The following MAN2C1 variants were observed in gnomAD, a reference collection of about 807,000 sequenced individuals.
MAN2C1 encodes mannosidase alpha class 2C member 1.
MAN2C1 carries 111 observed loss-of-function variants against 126.9 expected under a neutral mutation model. The ratio of observed to expected loss-of-function variants is 0.87; its 90% confidence interval spans 0.75 to 1.02. MAN2C1 has a LOEUF of 1.02. Ranked by LOEUF, MAN2C1 falls within the 50% of genes least tolerant of loss-of-function variation. The pLI is 0.00. For missense variants in MAN2C1, 1,363 were observed against 1,364.4 expected (o/e 1.00, Z 0.02); for synonymous variants, 567 against 561.5 (o/e 1.01, Z -0.14).
At chr15:75,367,902 C>A in intron 2 of MAN2C1, 171 bp downstream of exon 2, 2 of 1,010,270 alleles carry the variant, frequency 2.0e-6, no homozygotes, top group Middle Eastern at 2.1e-4. Flanking sequence ...CCCCTGAAGA[C>A]CCAGGGACCA....
chr15:75,356,190 C>T lies in MAN2C1; in HGVS notation c.2916G>A (p.Leu972=). The T allele has an allele frequency of 6.2e-7, 1 of 1,613,454 alleles. No individual in the cohort carries two copies. Among genetic ancestry groups the T allele is most frequent in the Non-Finnish European group, 8.5e-7 (1 of 1,179,946 alleles). ...QAESSPQRRS[L]VLRLYEAHGS... ...CGTGGGCCTCATACAGCCTCAGGAC[C>T]AGCGAGCGGCGCTGGGGGCTGCTCT... Residue 972 remains leucine (L), a synonymous_variant, in exon 25 of 26, where the codon CTG becomes CTA. Coordinates refer to ENST00000267978, the MANE Select transcript of MAN2C1 (RefSeq NM_006715.4). This position sits in a 1 kb window ranked among gnomAD's most constrained non-coding sequence, Gnocchi z 5.8.
chr15:75,364,857 G>A (rs1370710258), intron 4 of MAN2C1, among the ~76,000 whole-genome samples, 192 bp from the exon 5 acceptor site: 2 of 152,234 alleles, frequency 1.3e-5, no homozygotes, highest in African/African-American at 4.8e-5. Flanking sequence ...TGGATCCCAT[G>A]TCTTGCTGTC....
At position 75,360,611 on chromosome 15, in the gene MAN2C1, T is replaced by A; in HGVS notation, c.1538A>T (p.Glu513Val). The A allele has an allele frequency of 6.2e-7, 1 of 1,613,792 alleles. No homozygotes were observed. The highest frequency in any genetic ancestry group is 8.5e-7 in the Non-Finnish European group (1 of 1,179,972). ...GCCATTGTGCAGCTCCAAGAAGAGC[T>A]CCCCAACCCACGTGCACAGCTGCTC... ...DSEQLCTWVG[E>V]LFLELHNGTY... The change falls in exon 13 of 26, where the codon GAG (glutamate) becomes GTG (valine). Residue 513 changes from glutamate to valine, a missense_variant. Transcript: ENST00000267978.
rs772963654 is a variant in MAN2C1 at position 75,355,993 on chromosome 15, C to G, written c.3036G>C (p.Leu1012Phe). ...GCTTCAGGCGGTTGTCCCGAAGGGTCAAGTGGCCAGCAGGGTCTGGTCGCT... is the reference window on the plus strand; with the variant it reads ...GCTTCAGGCGGTTGTCCCGAAGGGTGAAGTGGCCAGCAGGGTCTGGTCGCT... Reference protein sequence around the residue: ...LLERPDPAGHLTLRDNRLKLT... With the variant: ...LLERPDPAGHFTLRDNRLKLT... Residue 1012 changes from leucine (L) to phenylalanine (F), a missense_variant, in exon 26 of 26, where the codon TTG (leucine) becomes TTC (phenylalanine). Physicochemically the swap from Leu to Phe is conservative, Grantham distance 22. Transcript: ENST00000267978. The G allele has an allele frequency of 3.7e-6, 6 of 1,613,940 alleles. No individual in the cohort carries two copies. The African/African-American group carries it at 8.0e-5, about 22-fold the overall frequency.
In MAN2C1 at chr15:75,359,362, A is replaced by C; in HGVS notation, c.2012T>G (p.Leu671Arg). Residue 671 changes from leucine to arginine, a missense_variant, in exon 17 of 26, where the codon CTG becomes CGG. Coordinates refer to ENST00000267978, the MANE Select transcript of MAN2C1 (RefSeq NM_006715.4). ...PVPPPTSLQPLLPQQPVFVVQ... is the reference protein window; with the variant it reads ...PVPPPTSLQPRLPQQPVFVVQ... The stretch of plus-strand genomic sequence containing the variant: ...TACGAACACAGGCTGCTGGGGCAGC[A>C]GGGGCTGCAGTGAGGTGGGGGGAGG... 3 of 1,603,050 alleles carry C rather than the reference A, an allele frequency of 1.9e-6. No homozygotes were observed. The highest frequency in any genetic ancestry group is 2.6e-6 in the Non-Finnish European group (3 of 1,174,856).
chr15:75,362,296 G>T lies in MAN2C1; in HGVS notation c.1008+47C>A. The stretch of plus-strand genomic sequence containing the variant: ...GGGAGGGCGGGGCTACCTGAGGGAA[G>T]GCTGTTGTCATACAGTTCAAGGCTG... On this transcript the variant is annotated intron_variant, in intron 8 of 25. Coordinates refer to ENST00000267978, the MANE Select transcript of MAN2C1 (RefSeq NM_006715.4). This position sits in a 1 kb window ranked among gnomAD's most constrained non-coding sequence, Gnocchi z 4.5. 6.5e-7 allele frequency: 1 copy of T among 1,543,032 alleles called. No individual in the cohort carries two copies. The highest frequency in any genetic ancestry group is 9.0e-7 in the Non-Finnish European group (1 of 1,117,218).
rs1178146843 is a variant in MAN2C1, at chr15:75,355,841, G to A, written c.*65C>T. The A allele has an allele frequency of 6.3e-7, 1 of 1,581,218 alleles. No homozygotes were observed. Among genetic ancestry groups the A allele is most frequent in the Non-Finnish European group, 8.6e-7 (1 of 1,156,080 alleles). On this transcript the variant is annotated 3_prime_UTR_variant, in exon 26 of 26. Transcript: ENST00000267978. The stretch of plus-strand genomic sequence containing the variant: ...CAAGAAAAGACTGATCCCTGCTTTA[G>A]GCTGGGGAAGCAGAAATTAGGAGTC...
chr15:75,358,236 GGGTA>G lies in MAN2C1; in HGVS notation c.2508_2511del (p.His838ThrfsTer70). 1 of 1,614,196 alleles carries G rather than the reference GGGTA, an allele frequency of 6.2e-7. No homozygotes were observed. The highest frequency in any genetic ancestry group is 8.5e-7 in the Non-Finnish European group (1 of 1,180,044). ...GCCCAGTCCCAAGAGGTATTGTAGTGGGTAGGTCGCTGCAGGTGCCCAAACTGGA... is the reference window on the plus strand; with the variant it reads ...GCCCAGTCCCAAGAGGTATTGTAGTGGGTCGCTGCAGGTGCCCAAACTGGA... On this transcript the variant is annotated frameshift_variant, in exon 21 of 26. Transcript: ENST00000267978. LOFTEE classifies it high-confidence loss of function.
At chr15:75,366,065 C>A in intron 4 of MAN2C1, 1 of 320,086 alleles carries the variant, frequency 3.1e-6, no homozygotes, top group Non-Finnish European at 6.1e-6. Context: ...CCAGCATCGG[C>A]GACAGAGGGA....
In MAN2C1 at chr15:75,359,171, T is replaced by C; in HGVS notation, c.2047-18A>G. 1 of 1,613,674 alleles carries C rather than the reference T, an allele frequency of 6.2e-7. No homozygotes were observed. ...CCATCAGTCTTTGTGGGAGGAGGCC[T>C]TGAGGCTGAGTCTGTAGGGGCTTCC... is the stretch of plus-strand genomic sequence containing the variant. On this transcript the variant is annotated intron_variant, in intron 17 of 25. Coordinates refer to ENST00000267978, the MANE Select transcript of MAN2C1 (RefSeq NM_006715.4).
chr15:75,362,601 G>A lies in MAN2C1; in HGVS notation c.897+41C>T. 1 of 1,598,150 alleles carries A rather than the reference G, an allele frequency of 6.3e-7. No individual in the cohort carries two copies. The highest frequency in any genetic ancestry group is 8.6e-7 in the Non-Finnish European group (1 of 1,166,936). On this transcript the variant is annotated intron_variant, in intron 7 of 25. Transcript: ENST00000267978. This position sits in a 1 kb window ranked among gnomAD's most constrained non-coding sequence, Gnocchi z 4.5. ...TCAGGGCCTGTGGAGCTCCAGGGAG[G>A]GCCACGTGCTTCCCTCCTCCCTCAC... is the stretch of plus-strand genomic sequence containing the variant.
chr15:75,359,833 A>G (rs2072430383), intron 15 of MAN2C1, 58 bp from the exon 16 acceptor site: 4 of 1,612,202 alleles, frequency 2.5e-6, no homozygotes, highest in East Asian at 2.2e-5. Flanking sequence ...GCCCATGGGT[A>G]TCCCACAGGG....
At chr15:75,357,127 T>C (rs1373764879) in intron 21 of MAN2C1, 1 of 556,154 alleles carries the variant, frequency 1.8e-6, no homozygotes, top group African/African-American at 1.9e-5. Context: ...CGAATGATCA[T>C]GAGTATCAAA....
rs2072287628 is a variant in MAN2C1 at position 75,356,169 on chromosome 15, G to T, written c.2937C>A (p.Ala979=). 1 of 1,613,516 alleles carries T rather than the reference G, an allele frequency of 6.2e-7. No homozygotes were observed. Among genetic ancestry groups the T allele is most frequent in the Non-Finnish European group, 8.5e-7 (1 of 1,179,988 alleles). The change falls in exon 25 of 26, where the codon GCC becomes GCA. Residue 979 remains alanine, a synonymous_variant. Coordinates refer to ENST00000267978, the MANE Select transcript of MAN2C1 (RefSeq NM_006715.4). This position sits in a 1 kb window ranked among gnomAD's most constrained non-coding sequence, Gnocchi z 5.8. Reference sequence around the variant, plus strand: ...GCCAGCAGTCCACGTGGCTGCCGTGGGCCTCATACAGCCTCAGGACCAGCG... The same window carrying T: ...GCCAGCAGTCCACGTGGCTGCCGTGTGCCTCATACAGCCTCAGGACCAGCG... ...RRSLVLRLYE[A]HGSHVDCWLH...
chr15:75,366,113 G>A (rs971174954), intron 4 of MAN2C1: 10 of 314,638 alleles, frequency 3.2e-5, no homozygotes, highest in Non-Finnish European at 1.2e-5. Flanking sequence ...ATGCTGAGAT[G>A]TTAATAATGT....
chr15:75,358,919 C>A, intron 18 of MAN2C1, 111 bp from the exon 19 acceptor site: 1 of 1,402,052 alleles, frequency 7.1e-7, no homozygotes. Context: ...GACTACTGCC[C>A]AGCCTGCCCT....
At position 75,368,335 on chromosome 15, in the gene MAN2C1, C is replaced by G. The variant is rs371590668; in HGVS notation, c.102-137G>C. The G allele has an allele frequency of 4.6e-4, 651 of 1,418,662 alleles. 2 individuals carry two copies. The African/African-American group carries it at 4.9e-3, about 11-fold the overall frequency. The allele number at this position is 1,418,662 out of a possible 1,614,324, so 87.9% of individuals were successfully genotyped here. Reference sequence around the variant, plus strand: ...TGGCCGCTCCGCGGCACAGTCCATTCCCTACCCCCTCCTCCCCGGCCCCTG... The same window carrying G: ...TGGCCGCTCCGCGGCACAGTCCATTGCCTACCCCCTCCTCCCCGGCCCCTG... On this transcript the variant is annotated intron_variant, in intron 1 of 25. Coordinates refer to ENST00000267978, the MANE Select transcript of MAN2C1 (RefSeq NM_006715.4).
At position 75,364,516 on chromosome 15, in the gene MAN2C1, T is replaced by G. The variant is rs1048063903; in HGVS notation, c.572A>C (p.Asp191Ala). The G allele has an allele frequency of 1.2e-6, 2 of 1,601,296 alleles. No homozygotes were observed. Among genetic ancestry groups the G allele is most frequent in the African/African-American group, 2.7e-5 (2 of 74,588 alleles). The stretch of plus-strand genomic sequence containing the variant: ...GGCTATGCCCAGCAGCAGCTCCAGA[T>G]CCACCAGGAGCATGTGGACATCCCG... ...FHRDVHMLLV[D>A]LELLLGIAKG... The change falls in exon 5 of 26, where the codon GAT becomes GCT. Residue 191 changes from aspartate to alanine, a missense_variant. Asp to Ala is a moderately radical substitution (Grantham distance 126). This residue lies in a region of MAN2C1 where 628 missense variants were observed against 609.8 expected (regional missense o/e 1.03). Coordinates refer to ENST00000267978, the MANE Select transcript of MAN2C1 (RefSeq NM_006715.4).
intron 6 of MAN2C1, 89 bp downstream of exon 6, chr15:75,363,910 G>C: frequency 7.0e-7 from 1 of 1,424,672 alleles, no homozygotes; most frequent in Non-Finnish European, 9.7e-7. Flanking sequence ...GCAAGAACTT[G>C]CTGAGCATCA....
Sources: allele counts gnomAD v4.1 joint callset (sites outside exome capture counted in the v4.1 genomes callset), GRCh38; gene constraint gnomAD v4.1.1; regional missense constraint gnomAD v4.1.1; non-coding constraint Gnocchi (gnomAD v3.1); transcripts MANE v1.5; gene names NCBI Gene and HGNC (gene_info 2026-07-23, HGNC 2026-07-21).